ITPR3: variants seen among roughly 807,000 people sequenced by gnomAD.
The protein encoded by ITPR3 is inositol 1,4,5-trisphosphate receptor type 3.
In ITPR3, 173 loss-of-function variants were observed where a neutral mutation model predicts 293.2. The observed-to-expected ratio is 0.59, with a 90% confidence interval of 0.52 to 0.67. The LOEUF is 0.67. Among genes scored for constraint, ITPR3 ranks in the 30% least tolerant of loss-of-function variants. The pLI, the probability that ITPR3 is intolerant of heterozygous loss-of-function variation, is 0.00. For missense variants in ITPR3, 2,796 were observed against 3,592.1 expected, an observed-to-expected ratio of 0.78 and a Z score of 5.66; for synonymous variants, 1,295 against 1,444.4, an observed-to-expected ratio of 0.90 and a Z score of 2.35.
Position 33,658,960 on chromosome 6 carries a change from G to A in ITPR3, c.529-61G>A, listed in dbSNP as rs1488199584. 9 of 1,602,170 alleles carry A rather than the reference G, an allele frequency of 5.6e-6. No homozygotes were observed. The highest frequency in any genetic ancestry group is 7.7e-6 in the Non-Finnish European group (9 of 1,169,732). ...CAGACTGAGACCAAAGGGAGGCCTG[G>A]AGGCGTGGTGACAAGAGGGCCCTGC... On this transcript the variant is annotated intron_variant, in intron 5 of 57. Coordinates refer to ENST00000605930, the MANE Select transcript of ITPR3 (RefSeq NM_002224.4). The surrounding 1 kb of genome is among the most constrained non-coding windows in gnomAD (Gnocchi z 6.1).
At chr6:33,650,417 A>G (rs1764159952) in intron 2 of ITPR3, among the ~76,000 whole-genome samples, 1 of 152,216 alleles carries the variant, frequency 6.6e-6, no homozygotes, top group African/African-American at 2.4e-5. Context: ...AGTTTCCAAG[A>G]AAGATACGGA....
At chr6:33,649,876 C>T (rs888241414) in intron 2 of ITPR3, among the ~76,000 whole-genome samples, 1 of 152,032 alleles carries the variant, frequency 6.6e-6, no homozygotes, top group African/African-American at 2.4e-5. Flanking sequence ...TTAAAGCTAT[C>T]CCCCTTGCCC....
Position 33,694,915 on chromosome 6 carries a change from G to A in ITPR3, c.7786-9G>A. ...CACGCCTGCTTAACCCACTGGTGATGTTTTTCAGAACAAGAACCTGGACTG... is the reference window on the plus strand; with the variant it reads ...CACGCCTGCTTAACCCACTGGTGATATTTTTCAGAACAAGAACCTGGACTG... On this transcript the variant is annotated splice_polypyrimidine_tract_variant and intron_variant, in intron 56 of 57. Transcript: ENST00000605930. 1.2e-6 allele frequency: 2 copies of A among 1,614,100 alleles called. No homozygotes were observed. The highest frequency in any genetic ancestry group is 1.1e-5 in the South Asian group (1 of 91,076).
intron 39 of ITPR3, 112 bp downstream of exon 39, chr6:33,685,055 C>A: frequency 8.0e-7 from 1 of 1,251,148 alleles, no homozygotes; most frequent in Non-Finnish European, 1.1e-6. Context: ...AGAGGAGAGG[C>A]CTGAGCAGTG....
chr6:33,644,631 A>G lies in ITPR3; in HGVS notation c.160+4077A>G, dbSNP rs1424903261. Among the ~76,000 whole-genome samples the G allele has an allele frequency of 2.7e-5, 4 of 149,764 alleles. No individual in the cohort carries two copies. In the East Asian group the frequency reaches 5.9e-4, roughly 22 times the overall value. On this transcript the variant is annotated intron_variant, in intron 2 of 57. Coordinates refer to ENST00000605930, the MANE Select transcript of ITPR3 (RefSeq NM_002224.4). ...GTCTGTTTTAATGCTTTTGCTATTAATGCATAGGGATGTAACTGTGCACAA... is the reference window on the plus strand; with the variant it reads ...GTCTGTTTTAATGCTTTTGCTATTAGTGCATAGGGATGTAACTGTGCACAA...
In ITPR3 at chr6:33,679,950, C is replaced by A; in HGVS notation, c.4041C>A (p.Asp1347Glu). Residue 1347 changes from aspartate to glutamate, a missense_variant, in exon 31 of 58, where the codon GAC (aspartate) becomes GAA (glutamate). Coordinates refer to ENST00000605930, the MANE Select transcript of ITPR3 (RefSeq NM_002224.4). The surrounding 1 kb of genome is among the most constrained non-coding windows in gnomAD (Gnocchi z 4.2). ...AGGCATCGCTGGCCCACCTGCTGGA[C>A]ATGATGAAGGCCGCCCGCGACGGCG... is the stretch of plus-strand genomic sequence containing the variant. ...NDKASLAHLL[D>E]MMKAARDGVE... 6.2e-7 allele frequency: 1 copy of A among 1,613,890 alleles called. No homozygotes were observed.
In ITPR3 at chr6:33,684,896, A is replaced by G. The variant is rs773483961; in HGVS notation, c.5260A>G (p.Ile1754Val). Reference sequence around the variant, plus strand: ...GAACGAGAAGATCTTCCAGGAGAGCATCGGCCTGGCCATCCACCTGCTGGA... The same window carrying G: ...GAACGAGAAGATCTTCCAGGAGAGCGTCGGCCTGGCCATCCACCTGCTGGA... Reference protein sequence around the residue: ...TKNEKIFQESIGLAIHLLDGG... With the variant: ...TKNEKIFQESVGLAIHLLDGG... Residue 1754 changes from isoleucine to valine, a missense_variant, in exon 39 of 58, where the codon ATC becomes GTC. By Grantham distance (29) the Ile-to-Val change is conservative (BLOSUM62 3). Around this residue, in one of 8 missense-constraint regions of ITPR3, gnomAD observed 704 missense variants for 797.5 expected, o/e 0.88. Coordinates refer to ENST00000605930, the MANE Select transcript of ITPR3 (RefSeq NM_002224.4). This position sits in a 1 kb window ranked among gnomAD's most constrained non-coding sequence, Gnocchi z 4.2. 3 of 1,613,826 alleles carry G rather than the reference A, an allele frequency of 1.9e-6. No individual in the cohort carries two copies. Among genetic ancestry groups the G allele is most frequent in the Non-Finnish European group, 2.5e-6 (3 of 1,179,916 alleles).
intron 49 of ITPR3, 63 bp from the exon 50 acceptor site, chr6:33,689,175 G>A: frequency 6.4e-7 from 1 of 1,572,626 alleles, no homozygotes; most frequent in Non-Finnish European, 8.6e-7. Context: ...GGCACCTGTT[G>A]GACCTGCTCT....
In ITPR3 at chr6:33,687,286, C is replaced by T. The variant is rs772824600; in HGVS notation, c.6136C>T (p.Pro2046Ser). ...AGAGCGTGAGAACTCGGAGGTGAGC[C>T]CACGTGAAGTGGGCCATAACATCTA... ...EEERENSEVS[P>S]REVGHNIYIL... is the part of the protein sequence containing the mutation. The change falls in exon 45 of 58, where the codon CCA (proline) becomes TCA (serine). Residue 2046 changes from proline (P) to serine (S), a missense_variant. Pro to Ser is a moderately conservative substitution (Grantham distance 74). This residue lies in a region of ITPR3 where 704 missense variants were observed against 797.5 expected (regional missense o/e 0.88). Coordinates refer to ENST00000605930, the MANE Select transcript of ITPR3 (RefSeq NM_002224.4). This position sits in a 1 kb window ranked among gnomAD's most constrained non-coding sequence, Gnocchi z 5.3. 1.2e-6 allele frequency: 2 copies of T among 1,613,416 alleles called. No individual in the cohort carries two copies. The highest frequency in any genetic ancestry group is 2.2e-5 in the East Asian group (1 of 44,842).
chr6:33,663,430 G>A, intron 9 of ITPR3, 70 bp from the exon 10 acceptor site: 3 of 1,480,000 alleles, frequency 2.0e-6, no homozygotes, highest in Non-Finnish European at 2.8e-6. Context: ...AGGTGACCAT[G>A]TTTTGCAGTG....
At chr6:33,648,361 CG>C (rs1312809048) in intron 2 of ITPR3, among the ~76,000 whole-genome samples, 2 of 151,974 alleles carry the variant, frequency 1.3e-5, no homozygotes, top group Non-Finnish European at 2.9e-5. Context: ...CCACAGTGCC[CG>C]GCCACTACTG....
chr6:33,682,530 C>T lies in ITPR3; in HGVS notation c.4483C>T (p.Gln1495Ter), dbSNP rs1157783400. The change falls in exon 34 of 58, where the codon CAG (glutamine) becomes TAG (stop). Residue 1495 changes from glutamine (Q) to a stop codon, truncating the protein, a stop_gained. Transcript: ENST00000605930. LOFTEE classifies it high-confidence loss of function. The surrounding 1 kb of genome is among the most constrained non-coding windows in gnomAD (Gnocchi z 5.4). ...SENSTSLQTH[Q>*]TIVVQLLQST... The stretch of plus-strand genomic sequence containing the variant: ...GCTCTGTGACTTCTTGCAGACACAC[C>T]AGACGATTGTGGTGCAGCTGCTGCA... The T allele has an allele frequency of 1.3e-6, 2 of 1,538,316 alleles. No homozygotes were observed. Among genetic ancestry groups the T allele is most frequent in the African/African-American group, 1.4e-5 (1 of 70,668 alleles).
At position 33,638,054 on chromosome 6, in the gene ITPR3, G is replaced by A. The variant is rs919714747; in HGVS notation, c.90-2430G>A. On this transcript the variant is annotated intron_variant, in intron 1 of 57. Transcript: ENST00000605930. The surrounding 1 kb of genome is among the most constrained non-coding windows in gnomAD (Gnocchi z 4.3). ...GAAGTCTTGCTCTTTCGCCCAGGCT[G>A]AAGTGCAGTGGCGTGATCTCGGCTC... 2.6e-5 allele frequency among the ~76,000 whole-genome samples: 4 copies of A among 151,872 alleles called. No individual in the cohort carries two copies. The highest frequency in any genetic ancestry group is 1.9e-4 in the East Asian group (1 of 5,130).
Position 33,689,334 on chromosome 6 carries a change from T to A in ITPR3, c.6791T>A (p.Leu2264His). 1 of 1,612,748 alleles carries A rather than the reference T, an allele frequency of 6.2e-7. No individual in the cohort carries two copies. The highest frequency in any genetic ancestry group is 8.5e-7 in the Non-Finnish European group (1 of 1,180,002). ...LFTKRYSIRPLIVALILRSIY... is the reference protein window; with the variant it reads ...LFTKRYSIRPHIVALILRSIY... ...ACCAAGCGCTACAGCATCCGCCCCC[T>A]CATCGTGGCGCTCATCCTGCGCTCC... Residue 2264 changes from leucine to histidine, a missense_variant, in exon 50 of 58, where the codon CTC becomes CAC. Physicochemically the swap from Leu to His is moderately conservative, Grantham distance 99 (BLOSUM62 -3). Around this residue, in one of 8 missense-constraint regions of ITPR3, gnomAD observed 568 missense variants for 796.1 expected, o/e 0.71. Transcript: ENST00000605930.
At chr6:33,637,836 A>T (rs537498466) in intron 1 of ITPR3, among the ~76,000 whole-genome samples, 1 of 144,988 alleles carries the variant, frequency 6.9e-6, no homozygotes, top group African/African-American at 2.6e-5. Flanking sequence ...TTTAGTAGAG[A>T]TGGAGATTCG....
chr6:33,626,569 C>G (rs1763554685), intron 1 of ITPR3, among the ~76,000 whole-genome samples: 1 of 152,222 alleles, frequency 6.6e-6, no homozygotes, highest in Admixed American at 6.5e-5. Flanking sequence ...TTGCCCTCAT[C>G]AGACTTCATA....
chr6:33,660,306 T>C (rs1764429656), intron 7 of ITPR3, among the ~76,000 whole-genome samples: 1 of 151,902 alleles, frequency 6.6e-6, no homozygotes, highest in Non-Finnish European at 1.5e-5. Flanking sequence ...GAGGGACAGG[T>C]GACAGGCCCG....
rs747753235 is a variant in ITPR3, at chr6:33,680,820, CT to C, written c.4476+158del. 0.21 allele frequency: 116,497 copies of C among 564,830 alleles called. 495 individuals are homozygous for C. Among genetic ancestry groups the C allele is most frequent in the Non-Finnish European group, 0.22 (84,267 of 387,624 alleles). 35.0% of individuals were successfully genotyped at this position (564,830 alleles called of 1,614,324 possible). A position where few individuals can be genotyped will look rare whatever the true frequency, so the allele number is the denominator to read the frequency against. On this transcript the variant is annotated intron_variant, in intron 33 of 57. Coordinates refer to ENST00000605930, the MANE Select transcript of ITPR3 (RefSeq NM_002224.4). Reference sequence around the variant, plus strand: ...AAGGATACATAAGTGTATTGGTTATCTTTTTTTTTTTTTTTTTTGAGATGGA... The same window carrying C: ...AAGGATACATAAGTGTATTGGTTATCTTTTTTTTTTTTTTTTTGAGATGGA...
chr6:33,640,034 T>C (rs971884748), intron 1 of ITPR3, among the ~76,000 whole-genome samples: 2 of 152,098 alleles, frequency 1.3e-5, no homozygotes, highest in African/African-American at 4.8e-5. Flanking sequence ...TGCTTCTGTT[T>C]CTTATGCTTT....
Sources: allele counts gnomAD v4.1 joint callset (sites outside exome capture counted in the v4.1 genomes callset), GRCh38; gene constraint gnomAD v4.1.1; regional missense constraint gnomAD v4.1.1; non-coding constraint Gnocchi (gnomAD v3.1); transcripts MANE v1.5; gene names NCBI Gene and HGNC (gene_info 2026-07-23, HGNC 2026-07-21).